The following SGMS1 variants were observed in gnomAD, a reference collection of about 807,000 sequenced individuals.
SGMS1 encodes the protein phosphatidylcholine:ceramide cholinephosphotransferase 1.
Under a neutral mutation model 46.2 loss-of-function variants are expected in SGMS1, and 13 were observed. The observed-to-expected ratio is 0.28, with a 90% CI of 0.18 to 0.45. The LOEUF is 0.45. Among genes scored for constraint, SGMS1 ranks in the 20% least tolerant of loss-of-function variants. SGMS1 has a pLI of 1.00. For missense variants in SGMS1, 324 were observed against 519.9 expected (o/e 0.62, Z 3.66); for synonymous variants, 203 against 187.8 (o/e 1.08, Z -0.66).
At chr10:50,552,963 A>C (rs1363788499) in intron 2 of SGMS1, among the ~76,000 whole-genome samples, 1 of 152,222 alleles carries the variant, frequency 6.6e-6, no homozygotes, top group Non-Finnish European at 1.5e-5. Flanking sequence ...ATAAACTGGT[A>C]GAGGCAAAGA....
intron 6 of SGMS1, among the ~76,000 whole-genome samples, chr10:50,398,907 A>T (rs1161313522): frequency 6.6e-6 from 1 of 152,112 alleles, no homozygotes; most frequent in Non-Finnish European, 1.5e-5. Flanking sequence ...AAGAAATACT[A>T]CTTATGGATA....
intron 7 of SGMS1, among the ~76,000 whole-genome samples, chr10:50,336,309 G>A (rs1037673583): frequency 2.0e-5 from 3 of 152,188 alleles, no homozygotes; most frequent in South Asian, 2.1e-4. Context: ...GAGAGAAAAC[G>A]TACTAGAAAC....
At chr10:50,383,674 T>C (rs1007301637) in intron 6 of SGMS1, among the ~76,000 whole-genome samples, 2 of 152,162 alleles carry the variant, frequency 1.3e-5, no homozygotes, top group African/African-American at 4.8e-5. Flanking sequence ...CATGTGTTGT[T>C]TTAAATTGCC....
intron 5 of SGMS1, among the ~76,000 whole-genome samples, chr10:50,456,962 G>A (rs1255047611): frequency 6.6e-6 from 1 of 152,302 alleles, no homozygotes; most frequent in East Asian, 1.9e-4. Flanking sequence ...TGTGACAGGG[G>A]AAGTGACTGA....
chr10:50,331,498 C>G (rs969935420), intron 7 of SGMS1, among the ~76,000 whole-genome samples: 5 of 152,200 alleles, frequency 3.3e-5, no homozygotes, highest in East Asian at 1.9e-4. Flanking sequence ...TATCACATAG[C>G]TATCTAAAAT....
At position 50,555,805 on chromosome 10, in the gene SGMS1, A is replaced by G. The variant is rs187202396; in HGVS notation, c.-589+34348T>C. 1.1e-3 allele frequency among the ~76,000 whole-genome samples: 171 copies of G among 152,354 alleles called. 1 individual carries two copies. The highest frequency in any genetic ancestry group is 3.8e-3 in the African/African-American group (158 of 41,594). ...GACCTCAAACTAAAATCAGCATTTC[A>G]GCAAGGGTTACTTAGAGCCTTTGAG... On this transcript the variant is annotated intron_variant, in intron 2 of 10. Coordinates refer to ENST00000361781, the MANE Select transcript of SGMS1 (RefSeq NM_147156.4).
At chr10:50,548,309 T>A (rs1293054821) in intron 2 of SGMS1, among the ~76,000 whole-genome samples, 1 of 152,156 alleles carries the variant, frequency 6.6e-6, no homozygotes, top group Non-Finnish European at 1.5e-5. Context: ...AACTTCAAAC[T>A]ATACTACCAG....
chr10:50,623,478 C>G (rs913537880), intron 1 of SGMS1: 1 of 750,080 alleles, frequency 1.3e-6, no homozygotes, highest in Non-Finnish European at 1.6e-6. Flanking sequence ...CCCCTCCGAG[C>G]CCGGATCCCG....
chr10:50,555,409 A>G (rs1434845695), intron 2 of SGMS1, among the ~76,000 whole-genome samples: 1 of 152,212 alleles, frequency 6.6e-6, no homozygotes. Flanking sequence ...GAGGCCTTAA[A>G]GAAACAGGGC....
intron 6 of SGMS1, among the ~76,000 whole-genome samples, chr10:50,388,402 A>G (rs1352183629): frequency 1.3e-5 from 2 of 151,804 alleles, no homozygotes; most frequent in East Asian, 3.9e-4. Flanking sequence ...GGGAAGAAGA[A>G]GTGGACAGAT....
chr10:50,551,582 G>A (rs34659292), intron 2 of SGMS1, among the ~76,000 whole-genome samples: 30,224 of 151,768 alleles, frequency 0.2, 3,945 homozygotes, highest in East Asian at 0.64. Flanking sequence ...GTTTCATATC[G>A]ATATAAGATA....
intron 5 of SGMS1, among the ~76,000 whole-genome samples, chr10:50,456,386 A>T (rs2133675493): frequency 6.6e-6 from 1 of 152,254 alleles, no homozygotes; most frequent in South Asian, 2.1e-4. Flanking sequence ...ATAAGGAACC[A>T]TGTCTGAAAA....
At chr10:50,405,080 A>C (rs1219355719) in intron 6 of SGMS1, among the ~76,000 whole-genome samples, 1 of 152,218 alleles carries the variant, frequency 6.6e-6, no homozygotes, top group East Asian at 1.9e-4. Flanking sequence ...AAATGTAATA[A>C]CAGTTACAGT....
At chr10:50,351,643 T>C (rs1421046367) in intron 6 of SGMS1, among the ~76,000 whole-genome samples, 1 of 152,176 alleles carries the variant, frequency 6.6e-6, no homozygotes, top group Non-Finnish European at 1.5e-5. Flanking sequence ...GGGGTTTCCA[T>C]TTTTGCTTGC....
chr10:50,421,454 G>A (rs1231449921), intron 6 of SGMS1, among the ~76,000 whole-genome samples: 1 of 152,128 alleles, frequency 6.6e-6, no homozygotes, highest in African/African-American at 2.4e-5. Flanking sequence ...CCCACTGGTG[G>A]CAGGAAATAA....
intron 6 of SGMS1, among the ~76,000 whole-genome samples, chr10:50,363,336 AG>A (rs1848284414): frequency 2.6e-5 from 4 of 152,214 alleles, no homozygotes; most frequent in African/African-American, 9.6e-5. Context: ...AAGCCAGCAA[AG>A]GGGAAAGAAG....
At chr10:50,507,349 G>A (rs2133766940) in intron 3 of SGMS1, among the ~76,000 whole-genome samples, 1 of 152,292 alleles carries the variant, frequency 6.6e-6, no homozygotes, top group East Asian at 1.9e-4. Context: ...CACACAACAA[G>A]CCCCTTTGTC....
intron 3 of SGMS1, among the ~76,000 whole-genome samples, chr10:50,484,362 C>A (rs974989970): frequency 1.3e-5 from 2 of 152,102 alleles, no homozygotes; most frequent in Non-Finnish European, 2.9e-5. Flanking sequence ...AATTGACTCC[C>A]TTAATAGACC....
intron 6 of SGMS1, among the ~76,000 whole-genome samples, chr10:50,430,112 C>G (rs542496917): frequency 1.3e-5 from 2 of 152,214 alleles, no homozygotes; most frequent in East Asian, 3.9e-4. Context: ...TCAAACTGTT[C>G]CTTCTACCTA....
Sources: allele counts gnomAD v4.1 joint callset (sites outside exome capture counted in the v4.1 genomes callset), GRCh38; gene constraint gnomAD v4.1.1; transcripts MANE v1.5; gene names NCBI Gene and HGNC (gene_info 2026-07-23, HGNC 2026-07-21).